The following GPC6 variants were observed in gnomAD, a reference collection of about 807,000 sequenced individuals.
The protein encoded by GPC6 is glypican-6.
Under a neutral mutation model 55.2 loss-of-function variants are expected in GPC6, and 14 were observed. The ratio of observed to expected loss-of-function variants is 0.25; its 90% CI spans 0.17 to 0.40. The LOEUF (loss-of-function observed/expected upper bound fraction) is 0.40, where lower values mean the gene tolerates loss of function less well. Ranked by LOEUF, GPC6 falls within the 10% of genes least tolerant of loss-of-function variation. GPC6 has a pLI of 1.00. For missense variants in GPC6, 641 were observed against 708.5 expected (o/e 0.90, Z 1.08); for synonymous variants, 278 against 259.6 (o/e 1.07, Z -0.68).
chr13:93,221,477 C>T, the GPC6 span, among the ~76,000 whole-genome samples: 12 of 152,236 alleles, frequency 7.9e-5, no homozygotes, highest in Admixed American at 7.2e-4. Context: ...TCTGCTGCCC[C>T]ATGGTGTTTG....
chr13:93,579,939 T>C (rs920734843), intron 2 of GPC6, among the ~76,000 whole-genome samples: 2 of 152,186 alleles, frequency 1.3e-5, no homozygotes, highest in African/African-American at 4.8e-5. Flanking sequence ...TTTCAAAAAG[T>C]GCCCATTTTC....
chr13:93,440,615 G>A (rs541104962), intron 1 of GPC6, among the ~76,000 whole-genome samples: 7 of 152,236 alleles, frequency 4.6e-5, no homozygotes, highest in Middle Eastern at 6.8e-3. Context: ...GGAGATCAGG[G>A]AGGCATTTTA....
At chr13:93,384,686 G>A (rs945406317) in intron 1 of GPC6, among the ~76,000 whole-genome samples, 6 of 152,198 alleles carry the variant, frequency 3.9e-5, no homozygotes, top group Admixed American at 3.3e-4. Context: ...ATTACTGTTT[G>A]TGTATTTAGT....
intron 4 of GPC6, among the ~76,000 whole-genome samples, chr13:94,199,626 AC>A (rs1435310150): frequency 6.6e-6 from 1 of 152,162 alleles, no homozygotes; most frequent in African/African-American, 2.4e-5. Flanking sequence ...AACAGGGATG[AC>A]TTTTTTAAAG....
intron 3 of GPC6, among the ~76,000 whole-genome samples, chr13:93,839,632 G>A (rs1232092457): frequency 2.0e-5 from 3 of 152,132 alleles, no homozygotes; most frequent in African/African-American, 4.8e-5. Context: ...CAAGTGAGGA[G>A]GGTAGGCAAG....
chr13:93,921,938 AGT>A (rs1877596204), intron 3 of GPC6, among the ~76,000 whole-genome samples: 1 of 151,438 alleles, frequency 6.6e-6, no homozygotes. Flanking sequence ...CAATATGCTA[AGT>A]GCCTGTGGGA....
intron 3 of GPC6, 27 bp downstream of exon 3, chr13:93,830,572 A>G (rs1032109521): frequency 1.4e-6 from 2 of 1,419,782 alleles, no homozygotes; most frequent in Admixed American, 1.9e-5. Context: ...TTTCTTTCTC[A>G]TTGGTGTTCC....
chr13:94,402,522 AC>A (rs1881186733), intron 8 of GPC6, among the ~76,000 whole-genome samples: 1 of 152,072 alleles, frequency 6.6e-6, no homozygotes, highest in African/African-American at 2.4e-5. Flanking sequence ...AGGGTGGGGG[AC>A]CATGGATGGG....
At chr13:94,266,081 A>C (rs1434285978) in intron 4 of GPC6, among the ~76,000 whole-genome samples, 3 of 150,256 alleles carry the variant, frequency 2.0e-5, no homozygotes, top group African/African-American at 7.3e-5. Context: ...TTGACCTCTC[A>C]TCACCTGCAG....
chr13:93,713,334 CAAAGT>C (rs550131540), intron 2 of GPC6, among the ~76,000 whole-genome samples: 146 of 151,362 alleles, frequency 9.6e-4, no homozygotes, highest in African/African-American at 3.4e-3. Flanking sequence ...TAGAAAACAA[CAAAGT>C]AAAGTTGTTA....
At chr13:93,616,831 C>CT (rs986194669) in intron 2 of GPC6, among the ~76,000 whole-genome samples, 3 of 151,806 alleles carry the variant, frequency 2.0e-5, no homozygotes, top group African/African-American at 4.8e-5. Flanking sequence ...TGACGTGCTC[C>CT]TTTTTTTTGA....
chr13:94,390,085 A>G (rs1475512104), intron 7 of GPC6, among the ~76,000 whole-genome samples: 1 of 152,248 alleles, frequency 6.6e-6, no homozygotes, highest in Non-Finnish European at 1.5e-5. Flanking sequence ...AGAAAAATCT[A>G]GAAAATAGAT....
intron 3 of GPC6, among the ~76,000 whole-genome samples, chr13:93,833,096 T>C (rs1174699438): frequency 2.5e-5 from 3 of 119,328 alleles, no homozygotes; most frequent in Non-Finnish European, 3.5e-5. Context: ...GATGGGTAGA[T>C]AGGTAGATGA....
chr13:93,742,195 G>A (rs576207890), intron 2 of GPC6, among the ~76,000 whole-genome samples: 1 of 152,054 alleles, frequency 6.6e-6, no homozygotes, highest in Non-Finnish European at 1.5e-5. Context: ...AATTTAGAAT[G>A]AACATTTCAA....
intron 1 of GPC6, among the ~76,000 whole-genome samples, chr13:93,376,699 C>T (rs1416326273): frequency 6.6e-6 from 1 of 151,456 alleles, no homozygotes; most frequent in Non-Finnish European, 1.5e-5. Flanking sequence ...TGGTTAGTAA[C>T]TATATGAAAA....
chr13:93,253,547 G>T (rs891315727), intron 1 of GPC6, among the ~76,000 whole-genome samples: 1 of 152,150 alleles, frequency 6.6e-6, no homozygotes, highest in African/African-American at 2.4e-5. Context: ...GGGAGTGGAG[G>T]GATAAACCTG....
chr13:94,305,054 C>A (rs1346078707), intron 5 of GPC6, among the ~76,000 whole-genome samples: 1 of 152,118 alleles, frequency 6.6e-6, no homozygotes, highest in African/African-American at 2.4e-5. Context: ...TTATAGAATG[C>A]CAAATTCAAG....
At chr13:94,335,483 A>ATAAT (rs1191848402) in intron 6 of GPC6, among the ~76,000 whole-genome samples, 1 of 152,180 alleles carries the variant, frequency 6.6e-6, no homozygotes, top group Non-Finnish European at 1.5e-5. Flanking sequence ...AATAACACAC[A>ATAAT]TAATTTGTTC....
chr13:93,246,425 A>T (rs897720194), intron 1 of GPC6, among the ~76,000 whole-genome samples: 1 of 152,186 alleles, frequency 6.6e-6, no homozygotes, highest in Admixed American at 6.6e-5. Context: ...TTTTTTTCTT[A>T]AGATTGCAGT....
Sources: allele counts gnomAD v4.1 joint callset (sites outside exome capture counted in the v4.1 genomes callset), GRCh38; gene constraint gnomAD v4.1.1; transcripts MANE v1.5; gene names NCBI Gene and HGNC (gene_info 2026-07-23, HGNC 2026-07-21).